The following MARCHF1 variants were observed in gnomAD, a reference collection of about 807,000 sequenced individuals.
The protein encoded by MARCHF1 is E3 ubiquitin-protein ligase MARCHF1.
A neutral mutation model predicts 54.2 loss-of-function variants in MARCHF1; 40 were observed. The ratio of observed to expected loss-of-function variants is 0.74; its 90% CI spans 0.57 to 0.96. MARCHF1 has a LOEUF of 0.96. Among genes scored for constraint, MARCHF1 ranks in the 40% least tolerant of loss-of-function variants. The pLI, the probability that MARCHF1 is intolerant of heterozygous loss-of-function variation, is 0.00. For synonymous variants in MARCHF1, 236 were observed against 236.3 expected (o/e 1.00, Z 0.01); for missense variants, 586 against 656.5 (o/e 0.89, Z 1.17).
intron 1 of MARCHF1, among the ~76,000 whole-genome samples, chr4:164,119,704 G>A (rs1016125399): frequency 1.9e-4 from 28 of 150,716 alleles, no homozygotes; most frequent in Non-Finnish European, 3.7e-4. Flanking sequence ...AAAATCCTAA[G>A]GCTTTTTGCA....
chr4:164,297,003 C>A (rs1035055857), intron 1 of MARCHF1, among the ~76,000 whole-genome samples: 1 of 152,110 alleles, frequency 6.6e-6, no homozygotes, highest in Non-Finnish European at 1.5e-5. Context: ...TGACAATGGT[C>A]AAGTTGCTTA....
intron 1 of MARCHF1, among the ~76,000 whole-genome samples, chr4:164,322,718 AAAAT>A (rs1409886476): frequency 1.3e-5 from 2 of 152,066 alleles, no homozygotes; most frequent in African/African-American, 4.8e-5. Flanking sequence ...TCACAAAAAT[AAAAT>A]AAATAAAAAA....
At chr4:163,730,105 T>G (rs62332967) in intron 4 of MARCHF1, among the ~76,000 whole-genome samples, 2 of 151,878 alleles carry the variant, frequency 1.3e-5, no homozygotes, top group African/African-American at 2.4e-5. Context: ...GTTTTTCAGA[T>G]TTGATAATTT....
At chr4:164,178,851 C>T (rs1386736021) in intron 1 of MARCHF1, among the ~76,000 whole-genome samples, 1 of 152,012 alleles carries the variant, frequency 6.6e-6, no homozygotes, top group Non-Finnish European at 1.5e-5. Context: ...ATACAAAGGC[C>T]TAGGGAAAAT....
At chr4:163,996,947 CA>C (rs1753088849) in intron 2 of MARCHF1, among the ~76,000 whole-genome samples, 1 of 151,964 alleles carries the variant, frequency 6.6e-6, no homozygotes, top group South Asian at 2.1e-4. Context: ...AGAACCATGA[CA>C]ATATATTTCT....
chr4:164,052,684 C>A (rs1015718820), intron 2 of MARCHF1, among the ~76,000 whole-genome samples: 1 of 152,110 alleles, frequency 6.6e-6, no homozygotes, highest in African/African-American at 2.4e-5. Flanking sequence ...CTACATCACC[C>A]CCATGGAACA....
At chr4:163,871,778 A>G (rs1750175031) in intron 3 of MARCHF1, among the ~76,000 whole-genome samples, 1 of 152,186 alleles carries the variant, frequency 6.6e-6, no homozygotes, top group Non-Finnish European at 1.5e-5. Context: ...ATATTAGGCA[A>G]TTATGAAGAT....
At chr4:163,886,199 A>C (rs1200618854) in intron 3 of MARCHF1, among the ~76,000 whole-genome samples, 2 of 150,360 alleles carry the variant, frequency 1.3e-5, no homozygotes. Context: ...CTATAGATCT[A>C]TCTCTCAATA....
At chr4:163,999,131 T>C (rs1007831396) in intron 2 of MARCHF1, among the ~76,000 whole-genome samples, 7 of 151,678 alleles carry the variant, frequency 4.6e-5, no homozygotes, top group African/African-American at 1.4e-4. Flanking sequence ...ATCTTTTTGG[T>C]AATTATCATT....
chr4:163,571,489 C>T (rs1739840891), intron 8 of MARCHF1, among the ~76,000 whole-genome samples: 1 of 152,090 alleles, frequency 6.6e-6, no homozygotes, highest in South Asian at 2.1e-4. Context: ...GTCTTTCAGA[C>T]CTAGCTGCCT....
chr4:164,289,039 T>G (rs1734219791), intron 1 of MARCHF1, among the ~76,000 whole-genome samples: 1 of 152,024 alleles, frequency 6.6e-6, no homozygotes, highest in Non-Finnish European at 1.5e-5. Context: ...TCAGATAAAA[T>G]ATTTTCTCTT....
chr4:164,368,736 A>C (rs781509611), intron 1 of MARCHF1, among the ~76,000 whole-genome samples: 11 of 152,216 alleles, frequency 7.2e-5, no homozygotes, highest in Non-Finnish European at 1.2e-4. Context: ...TTATATTTGT[A>C]ACACTTGAAC....
chr4:164,177,009 T>TATATATATACAC (rs1553989397), intron 1 of MARCHF1, among the ~76,000 whole-genome samples: 9 of 55,568 alleles, frequency 1.6e-4, no homozygotes, highest in Admixed American at 1.0e-3. Context: ...TATATATATA[T>TATATATATACAC]ACAAATGATA....
At chr4:163,675,144 A>T (rs2111143394) in intron 5 of MARCHF1, among the ~76,000 whole-genome samples, 1 of 152,348 alleles carries the variant, frequency 6.6e-6, no homozygotes, top group South Asian at 2.1e-4. Context: ...TTCCAAATGC[A>T]TTCTGAGGGA....
chr4:164,026,215 C>T (rs191761624), intron 2 of MARCHF1, among the ~76,000 whole-genome samples: 14 of 152,170 alleles, frequency 9.2e-5, no homozygotes, highest in Admixed American at 9.2e-4. Context: ...GAAGTAGGGG[C>T]TACTCCCTAA....
At chr4:163,747,796 T>C (rs887512222) in intron 4 of MARCHF1, among the ~76,000 whole-genome samples, 4 of 152,110 alleles carry the variant, frequency 2.6e-5, no homozygotes, top group Non-Finnish European at 4.4e-5. Flanking sequence ...GAAAGAAATA[T>C]AACAAAGACA....
chr4:163,729,696 C>T (rs1745772234), intron 4 of MARCHF1, among the ~76,000 whole-genome samples: 1 of 152,066 alleles, frequency 6.6e-6, no homozygotes, highest in Non-Finnish European at 1.5e-5. Flanking sequence ...AAGATATGCA[C>T]TGATGTCCCC....
chr4:163,794,598 G>A (rs1747859808), intron 4 of MARCHF1, among the ~76,000 whole-genome samples: 1 of 152,070 alleles, frequency 6.6e-6, no homozygotes, highest in Non-Finnish European at 1.5e-5. Flanking sequence ...GGGGGTCACA[G>A]GGCTTTTTAT....
At chr4:164,233,475 T>C (rs1732469683) in intron 1 of MARCHF1, among the ~76,000 whole-genome samples, 1 of 152,176 alleles carries the variant, frequency 6.6e-6, no homozygotes, top group Admixed American at 6.6e-5. Flanking sequence ...GCTGCTTGAC[T>C]TTCCTATTCA....
Sources: gnomAD v4.1 joint callset for allele counts (sites outside exome capture counted in the v4.1 genomes callset) on GRCh38, gnomAD v4.1.1 for gene constraint, MANE v1.5 for transcripts, NCBI Gene and HGNC (gene_info 2026-07-23, HGNC 2026-07-21) for gene names.